PARD3B: variants seen among roughly 807,000 people sequenced by gnomAD.
The protein encoded by PARD3B is partitioning defective 3 homolog B.
In PARD3B, 103 loss-of-function variants were observed where a neutral mutation model predicts 130.2. The observed-to-expected ratio is 0.79, with a 90% CI of 0.67 to 0.93. PARD3B has a LOEUF of 0.93. Ranked by LOEUF, PARD3B falls within the 40% of genes least tolerant of loss-of-function variation. PARD3B has a pLI of 0.00. For missense variants in PARD3B, 1,609 were observed against 1,499.2 expected (o/e 1.07, Z -1.21); for synonymous variants, 583 against 553.2 (o/e 1.05, Z -0.76).
intron 21 of PARD3B, among the ~76,000 whole-genome samples, chr2:205,531,156 A>G (rs899016193): frequency 2.2e-4 from 33 of 152,160 alleles, no homozygotes; most frequent in Non-Finnish European, 8.8e-5. Flanking sequence ...TTTTTTCACC[A>G]TAATTTATAC....
intron 2 of PARD3B, among the ~76,000 whole-genome samples, chr2:204,956,345 T>C (rs907403044): frequency 2.0e-5 from 3 of 152,140 alleles, no homozygotes; most frequent in African/African-American, 7.2e-5. Context: ...ATATTGAATA[T>C]GGATGTTACA....
At chr2:204,591,779 A>G (rs536464207) in intron 1 of PARD3B, among the ~76,000 whole-genome samples, 19 of 152,330 alleles carry the variant, frequency 1.2e-4, no homozygotes, top group South Asian at 6.2e-4. Flanking sequence ...GAGGATTTAG[A>G]TAAATTTTTA....
chr2:205,571,000 A>G (rs1347193480), intron 22 of PARD3B, among the ~76,000 whole-genome samples: 1 of 152,218 alleles, frequency 6.6e-6, no homozygotes, highest in East Asian at 1.9e-4. Flanking sequence ...AATTTAGATA[A>G]ATAATCCATT....
At chr2:204,577,125 T>A (rs1007700327) in intron 1 of PARD3B, among the ~76,000 whole-genome samples, 1 of 152,352 alleles carries the variant, frequency 6.6e-6, no homozygotes, top group African/African-American at 2.4e-5. Flanking sequence ...TATTTACATA[T>A]CTTTGTACTG....
intron 22 of PARD3B, among the ~76,000 whole-genome samples, chr2:205,583,410 C>T (rs1245283572): frequency 5.0e-5 from 2 of 39,670 alleles, no homozygotes; most frequent in Non-Finnish European, 1.3e-4. Context: ...TGCGCGCGCA[C>T]GCGCGTGTGA....
At chr2:205,180,893 A>T (rs2035750891) in intron 13 of PARD3B, among the ~76,000 whole-genome samples, 1 of 152,146 alleles carries the variant, frequency 6.6e-6, no homozygotes, top group African/African-American at 2.4e-5. Context: ...TTCCTATAAA[A>T]TCCTGTTAAG....
chr2:205,605,774 C>T (rs79991790), intron 22 of PARD3B, among the ~76,000 whole-genome samples: 10 of 152,302 alleles, frequency 6.6e-5, no homozygotes, highest in East Asian at 3.9e-4. Flanking sequence ...TGCCCCTTGG[C>T]GAAGGGAGTG....
chr2:204,593,664 A>T (rs184031851), intron 1 of PARD3B, among the ~76,000 whole-genome samples: 1 of 152,202 alleles, frequency 6.6e-6, no homozygotes, highest in Non-Finnish European at 1.5e-5. Context: ...ACTGGGTAGA[A>T]CAGGGAGAAA....
chr2:205,185,745 A>G lies in PARD3B; in HGVS notation c.1925-19A>G. ...TTCTGCTTCCACTTTATACAGCTTC[A>G]TTTGTTCTTTGTTTATAGGTCTATT... On this transcript the variant is annotated intron_variant, in intron 13 of 22. Transcript: ENST00000406610. 6.2e-7 allele frequency: 1 copy of G among 1,606,824 alleles called. No homozygotes were observed. The highest frequency in any genetic ancestry group is 1.1e-5 in the South Asian group (1 of 90,904).
chr2:205,457,251 A>T (rs2048308357), intron 20 of PARD3B, among the ~76,000 whole-genome samples: 1 of 151,982 alleles, frequency 6.6e-6, no homozygotes, highest in Non-Finnish European at 1.5e-5. Flanking sequence ...ATTTTAAGTT[A>T]TCAAATGTAT....
chr2:204,582,003 T>C (rs140988576), intron 1 of PARD3B, among the ~76,000 whole-genome samples: 66 of 152,230 alleles, frequency 4.3e-4, no homozygotes, highest in African/African-American at 1.3e-3. Flanking sequence ...TACTGTGATG[T>C]GTATTAATGG....
At chr2:205,101,371 TTAAAAA>T (rs1250137498) in intron 4 of PARD3B, among the ~76,000 whole-genome samples, 5 of 152,116 alleles carry the variant, frequency 3.3e-5, no homozygotes, top group African/African-American at 9.7e-5. Context: ...TAAATTAAAA[TTAAAAA>T]TGAAAATAAG....
chr2:205,152,261 A>C (rs141189800), intron 10 of PARD3B, among the ~76,000 whole-genome samples: 1 of 152,058 alleles, frequency 6.6e-6, no homozygotes, highest in African/African-American at 2.4e-5. Context: ...CTCAAGGAGT[A>C]TCTTTGTGGC....
intron 1 of PARD3B, among the ~76,000 whole-genome samples, chr2:204,563,874 C>T (rs1011710566): frequency 3.9e-5 from 6 of 152,066 alleles, no homozygotes; most frequent in Non-Finnish European, 7.4e-5. Context: ...CCCGGGTTCA[C>T]GCCATTCTCC....
At chr2:205,580,281 T>G (rs1184788622) in intron 22 of PARD3B, among the ~76,000 whole-genome samples, 1 of 152,216 alleles carries the variant, frequency 6.6e-6, no homozygotes, top group Non-Finnish European at 1.5e-5. Flanking sequence ...AATTTAGGTC[T>G]TTTTTCAAGT....
Position 205,160,905 on chromosome 2 carries a change from G to C in PARD3B, c.1620+1998G>C, listed in dbSNP as rs2034468720. Among the ~76,000 whole-genome samples the C allele has an allele frequency of 6.6e-6, 1 of 152,154 alleles. No homozygotes were observed. The highest frequency in any genetic ancestry group is 2.4e-5 in the African/African-American group (1 of 41,452). On this transcript the variant is annotated intron_variant, in intron 11 of 22. Coordinates refer to ENST00000406610, the MANE Select transcript of PARD3B (RefSeq NM_001302769.2). The surrounding 1 kb of genome is among the most constrained non-coding windows in gnomAD (Gnocchi z 4.0). ...TCCAGAACCTGCGTTATGCTGCACTGAAATGAAGCTCTTCCATATGATCCA... is the reference window on the plus strand; with the variant it reads ...TCCAGAACCTGCGTTATGCTGCACTCAAATGAAGCTCTTCCATATGATCCA...
At chr2:205,429,304 T>C (rs1015744077) in intron 19 of PARD3B, among the ~76,000 whole-genome samples, 3 of 152,138 alleles carry the variant, frequency 2.0e-5, no homozygotes, top group Non-Finnish European at 4.4e-5. Context: ...AAATTAGCAG[T>C]GAAAAAGAAA....
At position 205,021,646 on chromosome 2, in the gene PARD3B, C is replaced by A. The variant is rs1696620298; in HGVS notation, c.395-25935C>A. Among the ~76,000 whole-genome samples the A allele has an allele frequency of 7.7e-6, 1 of 129,276 alleles. No individual in the cohort carries two copies. The highest frequency in any genetic ancestry group is 2.8e-5 in the African/African-American group (1 of 35,134). 84.8% of individuals were successfully genotyped at this position (129,276 alleles called of 152,430 possible). A position where few individuals can be genotyped will look rare whatever the true frequency, so the allele number is the denominator to read the frequency against. ...CCTCTCTCTTTCTCTCTCTCTCTCT[C>A]TCTCTATATATATATATATAGTTAA... On this transcript the variant is annotated intron_variant, in intron 3 of 22. Coordinates refer to ENST00000406610, the MANE Select transcript of PARD3B (RefSeq NM_001302769.2). The surrounding 1 kb of genome is among the most constrained non-coding windows in gnomAD (Gnocchi z 4.5).
At chr2:205,027,873 T>C (rs1481722805) in intron 3 of PARD3B, among the ~76,000 whole-genome samples, 2 of 152,180 alleles carry the variant, frequency 1.3e-5, no homozygotes, top group African/African-American at 2.4e-5. Flanking sequence ...TAGTTGACCA[T>C]ATATGCACAG....
Sources: gnomAD v4.1 joint callset for allele counts (sites outside exome capture counted in the v4.1 genomes callset) on GRCh38, gnomAD v4.1.1 for gene constraint, Gnocchi (gnomAD v3.1) non-coding constraint, MANE v1.5 for transcripts, NCBI Gene and HGNC (gene_info 2026-07-23, HGNC 2026-07-21) for gene names.